The following PLCB3 variants were observed in gnomAD, a reference collection of about 807,000 sequenced individuals.
The protein encoded by PLCB3 is 1-phosphatidylinositol 4,5-bisphosphate phosphodiesterase beta-3.
PLCB3 carries 54 observed loss-of-function variants against 152.1 expected under a neutral mutation model. The observed-to-expected ratio is 0.36, with a 90% CI of 0.29 to 0.45. The LOEUF (loss-of-function observed/expected upper bound fraction) is 0.45. PLCB3 is among the 20% of genes least tolerant of loss of function. The probability of loss-of-function intolerance (pLI) is 1.00; values close to 1 mark genes in which losing one functional copy is unlikely to be tolerated. For synonymous variants in PLCB3, 717 were observed against 698.7 expected, an observed-to-expected ratio of 1.03 and a Z score of -0.41; for missense variants, 1,248 against 1,687.5, an observed-to-expected ratio of 0.74 and a Z score of 4.56.
At chr11:64,253,303 G>A (rs1323908660) in intron 1 of PLCB3, among the ~76,000 whole-genome samples, 1 of 152,208 alleles carries the variant, frequency 6.6e-6, no homozygotes, top group African/African-American at 2.4e-5. Flanking sequence ...AGTGATCTCG[G>A]GCAGGCTACG....
chr11:64,261,427 A>G lies in PLCB3; in HGVS notation c.1759A>G (p.Thr587Ala), dbSNP rs760502495. 2 of 1,614,094 alleles carry G rather than the reference A, an allele frequency of 1.2e-6. No homozygotes were observed. The highest frequency in any genetic ancestry group is 1.7e-6 in the Non-Finnish European group (2 of 1,179,972). ...EGTASSEVNA[T>A]EEMSTLVNYI... ...CACAGCCAGCAGCGAGGTGAATGCC[A>G]CTGAGGAGATGTCCACGCTTGTCAA... The change falls in exon 15 of 31, where the codon ACT becomes GCT. Residue 587 changes from threonine to alanine, a missense_variant. By Grantham distance (58) the Thr-to-Ala change is moderately conservative. Around this residue, in one of 6 missense-constraint regions of PLCB3, gnomAD observed 244 missense variants for 424.4 expected, o/e 0.57. Coordinates refer to ENST00000279230, the MANE Select transcript of PLCB3 (RefSeq NM_000932.5).
At chr11:64,254,096 C>T (rs945580331) in intron 1 of PLCB3, among the ~76,000 whole-genome samples, 7 of 151,810 alleles carry the variant, frequency 4.6e-5, no homozygotes, top group Non-Finnish European at 7.4e-5. Context: ...TCAGATTTCA[C>T]GGGTGGAGAA....
rs747137972 is a variant in PLCB3 at position 64,262,395 on chromosome 11, G to A, written c.2039-12G>A. 5.6e-6 allele frequency: 9 copies of A among 1,608,622 alleles called. No homozygotes were observed. Among genetic ancestry groups the A allele is most frequent in the Middle Eastern group, 1.6e-4 (1 of 6,070 alleles). ...ATCCCTGCCCCTGCTCGACGTGCCC[G>A]TGGCACCCCAGATGTGGCGATGCAG... is the stretch of plus-strand genomic sequence containing the variant. On this transcript the variant is annotated splice_polypyrimidine_tract_variant and intron_variant, in intron 17 of 30. Coordinates refer to ENST00000279230, the MANE Select transcript of PLCB3 (RefSeq NM_000932.5).
chr11:64,259,965 C>A (rs894993563), intron 13 of PLCB3, 64 bp from the exon 14 acceptor site: 3 of 1,396,572 alleles, frequency 2.1e-6, no homozygotes, highest in East Asian at 4.6e-5. Flanking sequence ...GGGAAAAACC[C>A]CTCCAGACTT....
At chr11:64,256,959 C>T (rs1318723080) in intron 10 of PLCB3, among the ~76,000 whole-genome samples, 195 bp downstream of exon 10, 1 of 141,886 alleles carries the variant, frequency 7.0e-6, no homozygotes, top group Non-Finnish European at 1.5e-5. Context: ...GCTGGAACAG[C>T]TTGTGTTAGG....
chr11:64,262,290 T>G, intron 17 of PLCB3, 117 bp from the exon 18 acceptor site: 2 of 1,379,894 alleles, frequency 1.4e-6, no homozygotes, highest in Non-Finnish European at 2.0e-6. Context: ...TGATGCCATT[T>G]GAGCCCGCCC....
downstream of PLCB3, among the ~76,000 whole-genome samples, chr11:64,268,345 C>G (rs2135073082): frequency 6.6e-6 from 1 of 152,272 alleles, no homozygotes; most frequent in Admixed American, 6.5e-5. Flanking sequence ...CAGCTCAGAA[C>G]CTGCCCAACA....
chr11:64,265,135 G>A, intron 23 of PLCB3, 31 bp downstream of exon 23: 1 of 1,552,100 alleles, frequency 6.4e-7, no homozygotes, highest in Non-Finnish European at 8.7e-7. Flanking sequence ...GGGGTGGGCT[G>A]CAGGGAGGCA....
In PLCB3 at chr11:64,255,156, C is replaced by T; in HGVS notation, c.388-78C>T. 1 of 1,512,986 alleles carries T rather than the reference C, an allele frequency of 6.6e-7. No homozygotes were observed. The highest frequency in any genetic ancestry group is 9.2e-7 in the Non-Finnish European group (1 of 1,089,572). 93.7% of individuals were successfully genotyped at this position (1,512,986 alleles called of 1,614,324 possible). Reference sequence around the variant, plus strand: ...TCTGTGACCTACTGTGTACCAGAGGCAGTTGTGGACCTGGGTTGTGGCTGG... The same window carrying T: ...TCTGTGACCTACTGTGTACCAGAGGTAGTTGTGGACCTGGGTTGTGGCTGG... On this transcript the variant is annotated intron_variant, in intron 4 of 30. Coordinates refer to ENST00000279230, the MANE Select transcript of PLCB3 (RefSeq NM_000932.5). This position sits in a 1 kb window ranked among gnomAD's most constrained non-coding sequence, Gnocchi z 6.8.
Position 64,265,119 on chromosome 11 carries a change from G to A in PLCB3, c.2806+15G>A, listed in dbSNP as rs1227845088. 3 of 1,551,586 alleles carry A rather than the reference G, an allele frequency of 1.9e-6. No individual in the cohort carries two copies. The highest frequency in any genetic ancestry group is 1.9e-5 in the Admixed American group (1 of 52,164). On this transcript the variant is annotated intron_variant, in intron 23 of 30. Transcript: ENST00000279230. ...CAGCAGCCCAGGTAAGGAGTGGCCT[G>A]GGTCGGGGGTGGGCTGCAGGGAGGC...
In PLCB3 at chr11:64,259,258, C is replaced by T. The variant is rs1396358174; in HGVS notation, c.1525+14C>T. The T allele has an allele frequency of 5.4e-6, 8 of 1,494,614 alleles. No homozygotes were observed. The highest frequency in any genetic ancestry group is 2.5e-5 in the East Asian group (1 of 40,604). The allele number at this position is 1,494,614 out of a possible 1,614,324, so 92.6% of individuals were successfully genotyped here. Reference sequence around the variant, plus strand: ...CCCCGCAGCTGGGTAGGCCCCAGCCCGGCCCGCCACCCTGACTTGACCCTA... The same window carrying T: ...CCCCGCAGCTGGGTAGGCCCCAGCCTGGCCCGCCACCCTGACTTGACCCTA... On this transcript the variant is annotated intron_variant, in intron 13 of 30. Transcript: ENST00000279230.
Position 64,256,539 on chromosome 11 carries a change from C to T in PLCB3, c.862C>T (p.Arg288Ter). 1 of 1,613,692 alleles carries T rather than the reference C, an allele frequency of 6.2e-7. No individual in the cohort carries two copies. The highest frequency in any genetic ancestry group is 8.5e-7 in the Non-Finnish European group (1 of 1,179,818). ...KYEPNQQFLERDQMSMEGFSR... is the reference protein window; with the variant it reads ...KYEPNQQFLE ...TGAGCCCAACCAGCAGTTTCTGGAG[C>T]GAGGTGAGCTGGCTGGGGTGCAGGT... The change falls in exon 9 of 31, where the codon CGA (arginine) becomes TGA (stop). Residue 288 changes from arginine (R) to a stop codon, truncating the protein, a stop_gained. Transcript: ENST00000279230. LOFTEE classifies it high-confidence loss of function.
In PLCB3 at chr11:64,262,487, C is replaced by T. The variant is rs1347713381; in HGVS notation, c.2119C>T (p.Arg707Trp). The change falls in exon 18 of 31, where the codon CGG (arginine) becomes TGG (tryptophan). Residue 707 changes from arginine to tryptophan, a missense_variant. By Grantham distance (101) the Arg-to-Trp change is moderately radical. Transcript: ENST00000279230. ...GYLLKPEFMRRPDKSFDPFTE... is the reference protein window; with the variant it reads ...GYLLKPEFMRWPDKSFDPFTE... ...CCTGCTCAAGCCGGAGTTCATGCGGCGGCCGGACAAGTCCTTCGACCCCTT... is the reference window on the plus strand; with the variant it reads ...CCTGCTCAAGCCGGAGTTCATGCGGTGGCCGGACAAGTCCTTCGACCCCTT... 4.3e-6 allele frequency: 7 copies of T among 1,613,880 alleles called. No individual in the cohort carries two copies. Among genetic ancestry groups the T allele is most frequent in the Non-Finnish European group, 2.5e-6 (3 of 1,180,026 alleles).
At chr11:64,256,952 G>A (rs1237664175) in intron 10 of PLCB3, among the ~76,000 whole-genome samples, 188 bp downstream of exon 10, 3 of 151,156 alleles carry the variant, frequency 2.0e-5, no homozygotes, top group South Asian at 4.2e-4. Context: ...GGGAAGGGCT[G>A]GAACAGCTTG....
rs2031834945 is a variant in PLCB3 at position 64,261,263 on chromosome 11, G to C, written c.1732-137G>C. 8.5e-6 allele frequency: 6 copies of C among 704,976 alleles called. No homozygotes were observed. The South Asian group carries it at 9.3e-5, about 11-fold the overall frequency. 43.7% of individuals were successfully genotyped at this position (704,976 alleles called of 1,614,324 possible). On this transcript the variant is annotated intron_variant, in intron 14 of 30. Coordinates refer to ENST00000279230, the MANE Select transcript of PLCB3 (RefSeq NM_000932.5). ...CCAGGGCGCATCAGTGAGACCCCGG[G>C]GAGAAGACTGTCGGCACCACCAGCA...
rs1338332065 is a variant in PLCB3, at chr11:64,258,757, T to C, written c.1253+44T>C. 1 of 1,609,768 alleles carries C rather than the reference T, an allele frequency of 6.2e-7. No individual in the cohort carries two copies. Among genetic ancestry groups the C allele is most frequent in the African/African-American group, 1.3e-5 (1 of 74,966 alleles). ...TGAAACCCCATGGACCGGGGGACAG[T>C]CTTCCAGCTTCAGTGCTGTTGGACT... On this transcript the variant is annotated intron_variant, in intron 11 of 30. Transcript: ENST00000279230. The surrounding 1 kb of genome is among the most constrained non-coding windows in gnomAD (Gnocchi z 7.2).
rs1225184630 is a variant in PLCB3, at chr11:64,255,334, G to T, written c.467+21G>T. On this transcript the variant is annotated intron_variant, in intron 5 of 30. Coordinates refer to ENST00000279230, the MANE Select transcript of PLCB3 (RefSeq NM_000932.5). The surrounding 1 kb of genome is among the most constrained non-coding windows in gnomAD (Gnocchi z 6.8). Reference sequence around the variant, plus strand: ...AAAGCGTGAGCCCCAGGCCACCCGAGGGGGAGCCGGGGGGTTCACGTGGCC... The same window carrying T: ...AAAGCGTGAGCCCCAGGCCACCCGATGGGGAGCCGGGGGGTTCACGTGGCC... 4 of 1,613,198 alleles carry T rather than the reference G, an allele frequency of 2.5e-6. No homozygotes were observed. Among genetic ancestry groups the T allele is most frequent in the Admixed American group, 1.7e-5 (1 of 60,032 alleles).
At chr11:64,252,058 C>A (rs2031237029) in intron 1 of PLCB3, among the ~76,000 whole-genome samples, 1 of 152,100 alleles carries the variant, frequency 6.6e-6, no homozygotes, top group Non-Finnish European at 1.5e-5. Flanking sequence ...ATTCTCGTTC[C>A]CCGATCCTGG....
At position 64,254,476 on chromosome 11, in the gene PLCB3, G is replaced by A; in HGVS notation, c.161G>A (p.Trp54Ter). ...GACCCCAATGGCTTCTTCTTGTACT[G>A]GACGGGCCCCAACATGGTGAGGGTG... The part of the protein sequence containing the change: ...RVDPNGFFLY[W>*]TGPNMEVDTL... The change falls in exon 2 of 31, where the codon TGG (tryptophan) becomes TAG (stop). Residue 54 changes from tryptophan to a stop codon, truncating the protein, a stop_gained. Coordinates refer to ENST00000279230, the MANE Select transcript of PLCB3 (RefSeq NM_000932.5). LOFTEE classifies it high-confidence loss of function. 1 of 1,613,862 alleles carries A rather than the reference G, an allele frequency of 6.2e-7. No individual in the cohort carries two copies. Among genetic ancestry groups the A allele is most frequent in the Non-Finnish European group, 8.5e-7 (1 of 1,179,948 alleles).
Sources: gnomAD v4.1 joint callset for allele counts (sites outside exome capture counted in the v4.1 genomes callset) on GRCh38, gnomAD v4.1.1 for gene constraint, gnomAD v4.1.1 regional missense constraint, Gnocchi (gnomAD v3.1) non-coding constraint, MANE v1.5 for transcripts, NCBI Gene and HGNC (gene_info 2026-07-23, HGNC 2026-07-21) for gene names.